The following MGMT variants were observed in gnomAD, a reference collection of about 807,000 sequenced individuals.
MGMT encodes methylated-DNA--protein-cysteine methyltransferase.
In MGMT, 14 loss-of-function variants were observed where a neutral mutation model predicts 15.9. The ratio of observed to expected loss-of-function variants is 0.88; its 90% CI spans 0.58 to 1.37. The LOEUF (loss-of-function observed/expected upper bound fraction) is 1.37. Ranked by LOEUF, MGMT falls within the 40% of genes most tolerant of loss-of-function variation. The pLI is 0.00. For synonymous variants in MGMT, 130 were observed against 118.2 expected, an observed-to-expected ratio of 1.10 and a Z score of -0.65; for missense variants, 282 against 268.1, an observed-to-expected ratio of 1.05 and a Z score of -0.36.
chr10:129,672,434 T>G (rs1264495796), intron 2 of MGMT, among the ~76,000 whole-genome samples: 1 of 152,218 alleles, frequency 6.6e-6, no homozygotes, highest in Non-Finnish European at 1.5e-5. Flanking sequence ...AGAGGTTATT[T>G]TTGCTCCATT....
intron 2 of MGMT, among the ~76,000 whole-genome samples, chr10:129,584,376 G>A (rs1846593533): frequency 6.6e-6 from 1 of 152,092 alleles, no homozygotes; most frequent in South Asian, 2.1e-4. Flanking sequence ...ACACGAATCA[G>A]GAGATTTCAT....
intron 4 of MGMT, among the ~76,000 whole-genome samples, chr10:129,763,108 A>G (rs1013674488): frequency 6.6e-6 from 1 of 152,196 alleles, no homozygotes; most frequent in Admixed American, 6.5e-5. Context: ...GAAGTTTTAT[A>G]GCGTTTGAGA....
At chr10:129,699,466 T>C (rs1848071807) in intron 2 of MGMT, among the ~76,000 whole-genome samples, 1 of 152,070 alleles carries the variant, frequency 6.6e-6, no homozygotes, top group Admixed American at 6.5e-5. Flanking sequence ...AAAATCGGTA[T>C]CCAGTTTTAG....
chr10:129,475,401 C>T (rs1038506428), intron 1 of MGMT, among the ~76,000 whole-genome samples: 1 of 152,092 alleles, frequency 6.6e-6, no homozygotes, highest in Admixed American at 6.5e-5. Flanking sequence ...GCATGAGAGG[C>T]GTGAGGCACG....
chr10:129,686,572 C>CG (rs3039558), intron 2 of MGMT, among the ~76,000 whole-genome samples: 85,973 of 151,622 alleles, frequency 0.57, 25,600 homozygotes, highest in African/African-American at 0.75. Context: ...ATGGGGTTTT[C>CG]TGCTGCTCTC....
intron 3 of MGMT, among the ~76,000 whole-genome samples, chr10:129,731,606 G>A (rs1008139640): frequency 1.3e-5 from 2 of 152,044 alleles, no homozygotes; most frequent in African/African-American, 2.4e-5. Flanking sequence ...ATTTTGGCCA[G>A]GCTGGTCTTG....
At chr10:129,520,429 C>T (rs1268680942) in intron 1 of MGMT, among the ~76,000 whole-genome samples, 1 of 152,110 alleles carries the variant, frequency 6.6e-6, no homozygotes, top group African/African-American at 2.4e-5. Flanking sequence ...CGTGCGCATA[C>T]AGAGCCCCTA....
At chr10:129,742,117 T>G (rs897096427) in intron 3 of MGMT, among the ~76,000 whole-genome samples, 1 of 152,194 alleles carries the variant, frequency 6.6e-6, no homozygotes. Flanking sequence ...CAGTGTGGCA[T>G]CCTCCCATCG....
At chr10:129,685,365 A>AGTTCTCT (rs1407324463) in intron 2 of MGMT, among the ~76,000 whole-genome samples, 2 of 152,154 alleles carry the variant, frequency 1.3e-5, no homozygotes, top group African/African-American at 4.8e-5. Context: ...CCCTCTGGCC[A>AGTTCTCT]GTTCTCTGCC....
chr10:129,750,829 C>T (rs940739598), intron 3 of MGMT, among the ~76,000 whole-genome samples: 1 of 152,072 alleles, frequency 6.6e-6, no homozygotes, highest in Non-Finnish European at 1.5e-5. Flanking sequence ...CAATGCCACC[C>T]TGTCTTGATT....
At chr10:129,730,316 C>T (rs1208621117) in intron 3 of MGMT, among the ~76,000 whole-genome samples, 7 of 152,076 alleles carry the variant, frequency 4.6e-5, no homozygotes, top group African/African-American at 1.2e-4. Context: ...CTGGGCAAGA[C>T]GAGGGACATT....
At chr10:129,574,124 A>C (rs1256086915) in intron 2 of MGMT, among the ~76,000 whole-genome samples, 1 of 152,230 alleles carries the variant, frequency 6.6e-6, no homozygotes, top group African/African-American at 2.4e-5. Flanking sequence ...ATTTATGCGC[A>C]GTTACTGTCT....
chr10:129,637,156 A>G (rs183718194), intron 2 of MGMT, among the ~76,000 whole-genome samples: 1 of 152,318 alleles, frequency 6.6e-6, no homozygotes, highest in East Asian at 1.9e-4. Flanking sequence ...TGGAGTTCAC[A>G]CCTCTTAATG....
chr10:129,677,896 G>A (rs1199923599), intron 2 of MGMT, among the ~76,000 whole-genome samples: 1 of 152,134 alleles, frequency 6.6e-6, no homozygotes, highest in African/African-American at 2.4e-5. Flanking sequence ...GATGAGGCCG[G>A]TTGTTGGCCA....
intron 2 of MGMT, among the ~76,000 whole-genome samples, chr10:129,665,119 A>C (rs1589923653): frequency 2.0e-5 from 3 of 151,358 alleles, no homozygotes; most frequent in Non-Finnish European, 4.4e-5. Flanking sequence ...ATACCTACTC[A>C]CCCACCCATC....
intron 2 of MGMT, chr10:129,564,286 C>G: frequency 1.6e-5 from 1 of 61,588 alleles, no homozygotes. Flanking sequence ...TCCCCCTCTC[C>G]TTCCTCCCCC....
intron 1 of MGMT, among the ~76,000 whole-genome samples, chr10:129,504,501 G>A (rs1164962915): frequency 6.6e-6 from 1 of 152,208 alleles, no homozygotes; most frequent in Non-Finnish European, 1.5e-5. Flanking sequence ...AGTTGAAAGT[G>A]ACACAGGTTG....
At chr10:129,713,403 G>A (rs935194520) in intron 3 of MGMT, among the ~76,000 whole-genome samples, 1 of 152,180 alleles carries the variant, frequency 6.6e-6, no homozygotes, top group Non-Finnish European at 1.5e-5. Flanking sequence ...GAGAGCAAAT[G>A]TGGAAATCAA....
intron 1 of MGMT, among the ~76,000 whole-genome samples, chr10:129,514,207 C>T (rs942045459): frequency 2.0e-5 from 3 of 152,126 alleles, no homozygotes; most frequent in Non-Finnish European, 2.9e-5. Context: ...AGGTTTTCCT[C>T]GTGATAGTGA....
Sources: gnomAD v4.1 joint callset for allele counts (sites outside exome capture counted in the v4.1 genomes callset) on GRCh38, gnomAD v4.1.1 for gene constraint, MANE v1.5 for transcripts, NCBI Gene and HGNC (gene_info 2026-07-23, HGNC 2026-07-21) for gene names.